Variants in PACRG observed in about 807,000 individuals in gnomAD.
PACRG encodes the protein parkin coregulated, also known as parkin coregulated gene protein.
PACRG carries 29 observed loss-of-function variants against 29.7 expected under a neutral mutation model. The observed-to-expected ratio is 0.98, with a 90% CI of 0.73 to 1.33. PACRG has a LOEUF of 1.33. Ranked by LOEUF, PACRG falls within the 40% of genes most tolerant of loss-of-function variation. PACRG has a pLI of 0.00. For missense variants in PACRG, 279 were observed against 316.2 expected, an observed-to-expected ratio of 0.88 and a Z score of 0.89; for synonymous variants, 116 against 118.7, an observed-to-expected ratio of 0.98 and a Z score of 0.15.
chr6:163,311,155 T>C (rs1314194343), intron 4 of PACRG, among the ~76,000 whole-genome samples: 3 of 152,202 alleles, frequency 2.0e-5, no homozygotes, highest in African/African-American at 7.2e-5. Context: ...AGGCAGTAGG[T>C]CACATGCCTC....
At chr6:162,834,572 C>T (rs1207014283) in intron 2 of PACRG, among the ~76,000 whole-genome samples, 5 of 151,322 alleles carry the variant, frequency 3.3e-5, no homozygotes, top group Non-Finnish European at 7.4e-5. Context: ...ATTCTGACAT[C>T]CTTATTAAAA....
At chr6:162,895,384 G>A (rs1216251584) in intron 2 of PACRG, among the ~76,000 whole-genome samples, 1 of 151,880 alleles carries the variant, frequency 6.6e-6, no homozygotes, top group African/African-American at 2.4e-5. Flanking sequence ...CTGTCTATCT[G>A]TGATCTTTCA....
chr6:163,217,248 C>T (rs116193432), intron 4 of PACRG, among the ~76,000 whole-genome samples: 1,634 of 152,326 alleles, frequency 0.011, 29 homozygotes, highest in African/African-American at 0.037. Flanking sequence ...AAGGCTAAAA[C>T]AAGCTCCTGG....
In PACRG at chr6:163,179,349, C is replaced by T. The variant is rs1402060685; in HGVS notation, c.613+89941C>T. ...GCTCCCAAGACGAGGCACAGAATTC[C>T]CAGAGCAGCCTGGCTTCAACCTACT... On this transcript the variant is annotated intron_variant, in intron 4 of 4. Transcript: ENST00000366888. 7.1e-6 allele frequency: 3 copies of T among 420,730 alleles called. No homozygotes were observed. In the Admixed American group the frequency reaches 7.4e-5, roughly 10 times the overall value. The allele number at this position is 420,730 out of a possible 1,614,324, so 26.1% of individuals were successfully genotyped here.
intron 4 of PACRG, among the ~76,000 whole-genome samples, chr6:163,231,597 C>T (rs1037947469): frequency 6.6e-6 from 1 of 152,184 alleles, no homozygotes; most frequent in African/African-American, 2.4e-5. Context: ...CAGGATGCCT[C>T]AGCAAAAGGT....
At chr6:163,022,034 A>G (rs2128221169) in intron 2 of PACRG, among the ~76,000 whole-genome samples, 1 of 152,220 alleles carries the variant, frequency 6.6e-6, no homozygotes, top group Non-Finnish European at 1.5e-5. Flanking sequence ...GCTGGGAGGC[A>G]GTCTCCGAAG....
intron 4 of PACRG, among the ~76,000 whole-genome samples, chr6:163,144,991 T>A (rs1422975994): frequency 3.3e-5 from 5 of 152,128 alleles, no homozygotes; most frequent in Non-Finnish European, 1.5e-5. Context: ...CCTGCTGATG[T>A]TGAAAGGTAG....
At chr6:163,018,244 C>T (rs1377043136) in intron 2 of PACRG, among the ~76,000 whole-genome samples, 4 of 152,164 alleles carry the variant, frequency 2.6e-5, no homozygotes, top group Non-Finnish European at 5.9e-5. Flanking sequence ...ATTTTTACTA[C>T]TGTAGCTACA....
At chr6:163,136,970 C>G (rs1427772890) in intron 4 of PACRG, among the ~76,000 whole-genome samples, 1 of 152,230 alleles carries the variant, frequency 6.6e-6, no homozygotes, top group Non-Finnish European at 1.5e-5. Flanking sequence ...GGATGCACCA[C>G]TGTTTCAAAA....
intron 2 of PACRG, among the ~76,000 whole-genome samples, chr6:162,895,271 CAA>C (rs35275122): frequency 4.6e-4 from 43 of 93,566 alleles, no homozygotes; most frequent in African/African-American, 1.0e-3. Context: ...CCCTCTCTCT[CAA>C]AAAAAAAAAA....
intron 2 of PACRG, among the ~76,000 whole-genome samples, chr6:163,061,768 T>G (rs1811117198): frequency 6.6e-6 from 1 of 152,226 alleles, no homozygotes; most frequent in Non-Finnish European, 1.5e-5. Flanking sequence ...TTCAGCTGTT[T>G]TTATTTCTTT....
chr6:163,107,528 G>C (rs141094142), intron 4 of PACRG, among the ~76,000 whole-genome samples: 2 of 152,284 alleles, frequency 1.3e-5, no homozygotes, highest in Non-Finnish European at 2.9e-5. Context: ...CATTAGGACT[G>C]ATACTGTTTT....
At chr6:163,237,776 GA>G (rs1355576577) in intron 4 of PACRG, among the ~76,000 whole-genome samples, 1 of 152,094 alleles carries the variant, frequency 6.6e-6, no homozygotes, top group East Asian at 1.9e-4. Context: ...AGTTCTACCA[GA>G]AAATGGCTCA....
intron 4 of PACRG, among the ~76,000 whole-genome samples, chr6:163,264,305 T>C (rs552907881): frequency 6.6e-6 from 1 of 152,320 alleles, no homozygotes; most frequent in Admixed American, 6.5e-5. Flanking sequence ...CAGTACACTT[T>C]CTGCATCTCC....
intron 4 of PACRG, among the ~76,000 whole-genome samples, chr6:163,259,432 C>T (rs935305869): frequency 6.6e-6 from 1 of 152,204 alleles, no homozygotes; most frequent in Non-Finnish European, 1.5e-5. Context: ...CTGTGTCCCT[C>T]TCACTTGTGT....
chr6:162,996,753 A>G (rs989342245), intron 2 of PACRG, among the ~76,000 whole-genome samples: 19 of 152,142 alleles, frequency 1.2e-4, no homozygotes, highest in African/African-American at 4.6e-4. Flanking sequence ...AACTGTCTCA[A>G]CTCTTGTTAG....
At chr6:162,734,145 A>G (rs768068912) in intron 1 of PACRG, among the ~76,000 whole-genome samples, 11 of 152,354 alleles carry the variant, frequency 7.2e-5, no homozygotes, top group African/African-American at 2.4e-4. Flanking sequence ...GAAAATGCCA[A>G]TGATGTTATA....
Position 162,773,493 on chromosome 6 carries a change from C to CTTTT in PACRG, c.157-40654_157-40653insTTTT, listed in dbSNP as rs1562582605. Among the ~76,000 whole-genome samples the CTTTT allele has an allele frequency of 4.6e-4, 38 of 82,764 alleles. 1 individual carries two copies. Among genetic ancestry groups the CTTTT allele is most frequent in the Non-Finnish European group, 6.1e-4 (26 of 42,840 alleles). The allele number at this position is 82,764 out of a possible 152,430, so 54.3% of individuals were successfully genotyped here. A position where few individuals can be genotyped will look rare whatever the true frequency, so the allele number is the denominator to read the frequency against. ...GATATTTGGTATTTTTACAGCTTGT[C>CTTTT]ATTTTTTTTTTTTTTTTTTTTTTTT... On this transcript the variant is annotated intron_variant, in intron 1 of 4. Transcript: ENST00000366888.
At chr6:162,931,991 A>T (rs1797885159) in intron 2 of PACRG, among the ~76,000 whole-genome samples, 1 of 151,984 alleles carries the variant, frequency 6.6e-6, no homozygotes, top group East Asian at 1.9e-4. Flanking sequence ...TAAATACCCT[A>T]AACTGGAAAT....
Sources: allele counts gnomAD v4.1 joint callset (sites outside exome capture counted in the v4.1 genomes callset), GRCh38; gene constraint gnomAD v4.1.1; transcripts MANE v1.5; gene names NCBI Gene and HGNC (gene_info 2026-07-23, HGNC 2026-07-21).